Variants in MOGAT3 observed in about 807,000 individuals in gnomAD.
MOGAT3 encodes the protein monoacylglycerol O-acyltransferase 3.
In MOGAT3, 39 loss-of-function variants were observed where a neutral mutation model predicts 34.4. The ratio of observed to expected loss-of-function variants is 1.13; its 90% CI spans 0.88 to 1.48. The LOEUF is 1.48. Ranked by LOEUF, MOGAT3 falls within the 40% of genes most tolerant of loss-of-function variation. The pLI, the probability that MOGAT3 is intolerant of heterozygous loss-of-function variation, is 0.00. For synonymous variants in MOGAT3, 209 were observed against 179.2 expected, an observed-to-expected ratio of 1.17 and a Z score of -1.33; for missense variants, 439 against 438.9, an observed-to-expected ratio of 1.00 and a Z score of 0.00.
chr7:101,198,741 A>C lies in MOGAT3; in HGVS notation c.378T>G (p.Asn126Lys). Residue 126 changes from asparagine (N) to lysine (K), a missense_variant, in exon 4 of 7, where the codon AAT becomes AAG. Transcript: ENST00000223114. ...AGAAGCCATTGCTCTCGGTGGAGAA[A>C]TTACAGAGGAAGCCTGTACACATGA... ...HGIMCTGFLC[N>K]FSTESNGFSQ... is the part of the protein sequence containing the mutation. The C allele has an allele frequency of 6.2e-7, 1 of 1,612,090 alleles. No individual in the cohort carries two copies. Among genetic ancestry groups the C allele is most frequent in the Non-Finnish European group, 8.5e-7 (1 of 1,179,356 alleles).
chr7:101,194,827 C>T (rs1220686356), downstream of MOGAT3, among the ~76,000 whole-genome samples: 1 of 151,984 alleles, frequency 6.6e-6, no homozygotes, highest in Non-Finnish European at 1.5e-5. Flanking sequence ...CTCTATTTTT[C>T]CTTCACTGGG....
Position 101,198,690 on chromosome 7 carries a change from G to C in MOGAT3, c.429C>G (p.Pro143=). The C allele has an allele frequency of 6.2e-7, 1 of 1,613,762 alleles. No homozygotes were observed. Among genetic ancestry groups the C allele is most frequent in the South Asian group, 1.1e-5 (1 of 91,068 alleles). ...AGAGGCCAGCCAGCACGGCTAACCA[G>C]GGCCGGAGCCCCGGGAAGAGCTGGG... ...GFSQLFPGLR[P]WLAVLAGLFY... Residue 143 remains proline, a synonymous_variant, in exon 4 of 7, where the codon CCC becomes CCG. Transcript: ENST00000223114.
downstream of MOGAT3, among the ~76,000 whole-genome samples, chr7:101,193,534 T>C (rs1584233979): frequency 6.6e-6 from 1 of 152,144 alleles, no homozygotes; most frequent in African/African-American, 2.4e-5. Flanking sequence ...GTTCAAGCGA[T>C]TCTCCTGCCT....
chr7:101,196,106 G>C lies in MOGAT3; in HGVS notation c.872-6C>G. On this transcript the variant is annotated splice_region_variant and splice_polypyrimidine_tract_variant and intron_variant, in intron 6 of 6. Coordinates refer to ENST00000223114, the MANE Select transcript of MOGAT3 (RefSeq NM_178176.4). The stretch of plus-strand genomic sequence containing the variant: ...GACGGGGATGGGGCGGCCCACTGCA[G>C]GGAGAGGGAGACAGGTGGGCGAGGG... The C allele has an allele frequency of 6.2e-7, 1 of 1,603,654 alleles. No homozygotes were observed. Among genetic ancestry groups the C allele is most frequent in the Non-Finnish European group, 8.5e-7 (1 of 1,174,654 alleles).
In MOGAT3 at chr7:101,198,301, G is replaced by C. The variant is rs764846983; in HGVS notation, c.558C>G (p.Ala186=). The C allele has an allele frequency of 6.2e-7, 1 of 1,601,736 alleles. No individual in the cohort carries two copies. The highest frequency in any genetic ancestry group is 8.5e-7 in the Non-Finnish European group (1 of 1,173,296). Residue 186 remains alanine, a synonymous_variant, in exon 5 of 7, where the codon GCC becomes GCG. Coordinates refer to ENST00000223114, the MANE Select transcript of MOGAT3 (RefSeq NM_178176.4). The part of the protein sequence containing the change: ...FILSQPQLGQ[A]VVIMVGGAHE... ...GCGCACCCCCCACCATGATGACCAC[G>C]GCCTGCCCGAGCTGGGGCTGGGACA...
Position 101,198,180 on chromosome 7 carries a change from C to A in MOGAT3, c.668+11G>T. The stretch of plus-strand genomic sequence containing the variant: ...AGAGAACTGACAGGTAGGGCCTGCA[C>A]GCGCACTCACCCGTGCCTCAGCGCC... On this transcript the variant is annotated intron_variant, in intron 5 of 6. Transcript: ENST00000223114. The A allele has an allele frequency of 1.2e-6, 2 of 1,605,500 alleles. No homozygotes were observed. The highest frequency in any genetic ancestry group is 1.1e-5 in the South Asian group (1 of 90,236).
In MOGAT3 at chr7:101,200,502, G is replaced by A. The variant is rs536298920; in HGVS notation, c.123C>T (p.Ser41=). Residue 41 remains serine, a synonymous_variant, in exon 2 of 7, where the codon TCC becomes TCT. Transcript: ENST00000223114. The stretch of plus-strand genomic sequence containing the variant: ...TGAAGAGGAGGACAAAGACAAGAAG[G>A]GAGAAGAAAGGGCCTGGGGGAAGGG... ...LTFLFMGPFF[S]LLVFVLLFTS... 1.9e-5 allele frequency: 31 copies of A among 1,594,190 alleles called. No individual in the cohort carries two copies. In the East Asian group the frequency reaches 6.6e-4, roughly 34 times the overall value.
rs763000022 is a variant in MOGAT3, at chr7:101,198,213, C to T, written c.646G>A (p.Val216Met). Residue 216 changes from valine (V) to methionine (M), a missense_variant, in exon 5 of 7, where the codon GTG becomes ATG. Physicochemically the swap from Val to Met is conservative, Grantham distance 21 (BLOSUM62 1). Coordinates refer to ENST00000223114, the MANE Select transcript of MOGAT3 (RefSeq NM_178176.4). ...CLTLQKRKGF[V>M]RLALRHGASL... ...CACCCGTGCCTCAGCGCCAGGCGCACGAAGCCTTTGCGCTTCTGGAGCGTA... is the reference window on the plus strand; with the variant it reads ...CACCCGTGCCTCAGCGCCAGGCGCATGAAGCCTTTGCGCTTCTGGAGCGTA... The T allele has an allele frequency of 6.2e-7, 1 of 1,612,856 alleles. No homozygotes were observed. Among genetic ancestry groups the T allele is most frequent in the Non-Finnish European group, 8.5e-7 (1 of 1,179,452 alleles).
In MOGAT3 at chr7:101,198,798, C is replaced by T. The variant is rs760061731; in HGVS notation, c.321G>A (p.Arg107=). Residue 107 remains arginine, a synonymous_variant, in exon 4 of 7, where the codon CGG becomes CGA. Transcript: ENST00000223114. ...GAGGGTGGGCGCCCAGCACGTAGTT[C>T]CGATCCGGGGGCAGCTCTGCTGTTT... The part of the protein sequence containing the change: ...LVKTAELPPD[R]NYVLGAHPHG... 3 of 1,613,964 alleles carry T rather than the reference C, an allele frequency of 1.9e-6. No individual in the cohort carries two copies. The Admixed American group carries it at 5.0e-5, about 27-fold the overall frequency.
At chr7:101,198,041 G>T in intron 5 of MOGAT3, 150 bp downstream of exon 5, 1 of 733,668 alleles carries the variant, frequency 1.4e-6, no homozygotes. Flanking sequence ...ACCGAGTCAT[G>T]CCCTGGAGAG....
At position 101,196,099 on chromosome 7, in the gene MOGAT3, C is replaced by T. The variant is rs1224404482; in HGVS notation, c.873G>A (p.Val291=). 2 of 1,606,362 alleles carry T rather than the reference C, an allele frequency of 1.2e-6. No individual in the cohort carries two copies. Among genetic ancestry groups the T allele is most frequent in the Non-Finnish European group, 1.7e-6 (2 of 1,176,006 alleles). Residue 291 remains valine (V), a splice_region_variant and synonymous_variant, in exon 7 of 7, where the codon GTG becomes GTA. Transcript: ENST00000223114. The part of the protein sequence containing the change: ...LPFAVPITTV[V]GRPIPVPQRL... ...GCTGGGGGACGGGGATGGGGCGGCC[C>T]ACTGCAGGGAGAGGGAGACAGGTGG...
chr7:101,199,412 A>G (rs1488263283), intron 3 of MOGAT3, among the ~76,000 whole-genome samples: 1 of 151,742 alleles, frequency 6.6e-6, no homozygotes, highest in Admixed American at 6.6e-5. Context: ...TCCCTGGTTC[A>G]AGCAATTCTC....
At chr7:101,197,977 C>T (rs1451795277) in intron 5 of MOGAT3, among the ~76,000 whole-genome samples, 1 of 152,244 alleles carries the variant, frequency 6.6e-6, no homozygotes, top group Non-Finnish European at 1.5e-5. Flanking sequence ...GCATTATGGT[C>T]CTGTCTCCAC....
rs776179775 is a variant in MOGAT3 at position 101,198,841 on chromosome 7, T to G, written c.289-11A>C. ...TGCTGTTTTCACCAGCTTCGGGGTG[T>G]TGAGCAGGATGAAGGGAGGATGGAA... On this transcript the variant is annotated splice_polypyrimidine_tract_variant and intron_variant, in intron 3 of 6. Coordinates refer to ENST00000223114, the MANE Select transcript of MOGAT3 (RefSeq NM_178176.4). 10 of 1,613,260 alleles carry G rather than the reference T, an allele frequency of 6.2e-6. No individual in the cohort carries two copies. Among genetic ancestry groups the G allele is most frequent in the Non-Finnish European group, 8.5e-6 (10 of 1,179,678 alleles).
intron 3 of MOGAT3, 136 bp downstream of exon 3, chr7:101,200,098 A>G (rs973099079): frequency 5.0e-5 from 38 of 754,430 alleles, no homozygotes; most frequent in Non-Finnish European, 8.1e-5. Context: ...TAAAAAAAAA[A>G]AAAAATCCAT....
At chr7:101,199,452 A>G (rs1318681396) in intron 3 of MOGAT3, among the ~76,000 whole-genome samples, 1 of 152,092 alleles carries the variant, frequency 6.6e-6, no homozygotes, top group Non-Finnish European at 1.5e-5. Context: ...AGCTGGGATT[A>G]CAGGCATGTG....
At position 101,196,306 on chromosome 7, in the gene MOGAT3, C is replaced by A. The variant is rs772707563; in HGVS notation, c.752G>T (p.Trp251Leu). Reference sequence around the variant, plus strand: ...GAGCTTCTTGAAGGTGAGCTGGCACCAATGCTGCCAGGAGCCTGTGGCAAA... The same window carrying A: ...GAGCTTCTTGAAGGTGAGCTGGCACAAATGCTGCCAGGAGCCTGTGGCAAA... ...KAFATGSWQH[W>L]CQLTFKKLMG... is the part of the protein sequence containing the mutation. Residue 251 changes from tryptophan (W) to leucine (L), a missense_variant, in exon 6 of 7, where the codon TGG becomes TTG. Transcript: ENST00000223114. 42 of 1,613,778 alleles carry A rather than the reference C, an allele frequency of 2.6e-5. No homozygotes were observed. The South Asian group carries it at 4.4e-4, about 17-fold the overall frequency.
intron 6 of MOGAT3, 34 bp downstream of exon 6, chr7:101,196,153 G>A (rs1360801196): frequency 3.8e-6 from 6 of 1,572,934 alleles, no homozygotes; most frequent in South Asian, 1.1e-5. Flanking sequence ...CCACGCAGCT[G>A]CTGGTGGCCG....
In MOGAT3 at chr7:101,198,382, G is replaced by A; in HGVS notation, c.494-17C>T. On this transcript the variant is annotated splice_polypyrimidine_tract_variant and intron_variant, in intron 4 of 6. Transcript: ENST00000223114. ...GACAGAGTCCTGTGGGCAGGAGGAG[G>A]TGGAAAGTAGTTCCCATCTGCCTCC... The A allele has an allele frequency of 6.5e-7, 1 of 1,527,918 alleles. No homozygotes were observed. The allele number at this position is 1,527,918 out of a possible 1,614,324, so 94.6% of individuals were successfully genotyped here. A position where few individuals can be genotyped will look rare whatever the true frequency, so the allele number is the denominator to read the frequency against.
Sources: allele counts gnomAD v4.1 joint callset (sites outside exome capture counted in the v4.1 genomes callset), GRCh38; gene constraint gnomAD v4.1.1; transcripts MANE v1.5; gene names NCBI Gene and HGNC (gene_info 2026-07-23, HGNC 2026-07-21).